Variants in KCTD8 observed in about 807,000 individuals in gnomAD.
KCTD8 encodes the protein potassium channel tetramerization domain containing 8, also known as BTB/POZ domain-containing protein KCTD8.
In KCTD8, 27 loss-of-function variants were observed where a neutral mutation model predicts 31.5. The observed-to-expected ratio is 0.86, with a 90% CI of 0.63 to 1.18. KCTD8 has a LOEUF of 1.18. Ranked by LOEUF, KCTD8 falls within the 50% of genes most tolerant of loss-of-function variation. The probability of loss-of-function intolerance (pLI) is 0.00; values close to 1 mark genes in which losing one functional copy is unlikely to be tolerated. For synonymous variants in KCTD8, 290 were observed against 280.0 expected (o/e 1.04, Z -0.36); for missense variants, 658 against 647.7 (o/e 1.02, Z -0.17).
At chr4:44,377,013 C>T (rs746529404) in intron 1 of KCTD8, among the ~76,000 whole-genome samples, 1 of 152,148 alleles carries the variant, frequency 6.6e-6, no homozygotes. Context: ...TCAGTAAAAA[C>T]ATAAATGAGG....
chr4:44,436,700 G>C (rs748257287), intron 1 of KCTD8, among the ~76,000 whole-genome samples: 103 of 152,046 alleles, frequency 6.8e-4, no homozygotes, highest in Non-Finnish European at 1.2e-3. Flanking sequence ...GTGATGCTTT[G>C]GTTATTGTTG....
intron 1 of KCTD8, among the ~76,000 whole-genome samples, chr4:44,289,201 T>C (rs1206659899): frequency 6.6e-6 from 1 of 151,336 alleles, no homozygotes; most frequent in Non-Finnish European, 1.5e-5. Flanking sequence ...ATGTTAATAT[T>C]ATGTATTATA....
At chr4:44,432,434 C>T (rs755140282) in intron 1 of KCTD8, among the ~76,000 whole-genome samples, 9 of 151,506 alleles carry the variant, frequency 5.9e-5, no homozygotes, top group Non-Finnish European at 1.0e-4. Context: ...TAGACGTGTT[C>T]TAAAACAATA....
At chr4:44,176,168 T>G (rs545307203) in intron 1 of KCTD8, among the ~76,000 whole-genome samples, 56 of 152,338 alleles carry the variant, frequency 3.7e-4, no homozygotes, top group African/African-American at 1.3e-3. Context: ...ATTACTCAAC[T>G]CTTATTTTAT....
chr4:44,298,889 A>C (rs1717523602), intron 1 of KCTD8, among the ~76,000 whole-genome samples: 1 of 152,356 alleles, frequency 6.6e-6, no homozygotes, highest in South Asian at 2.1e-4. Flanking sequence ...ACCTTTTGAA[A>C]AAAGCTATTC....
At chr4:44,209,728 A>G (rs1714425471) in intron 1 of KCTD8, among the ~76,000 whole-genome samples, 1 of 152,174 alleles carries the variant, frequency 6.6e-6, no homozygotes, top group Non-Finnish European at 1.5e-5. Context: ...GTGTGTTAAC[A>G]TTGGATGTGA....
At chr4:44,388,060 A>G (rs1390530245) in intron 1 of KCTD8, among the ~76,000 whole-genome samples, 1 of 151,936 alleles carries the variant, frequency 6.6e-6, no homozygotes, top group African/African-American at 2.4e-5. Context: ...GGACATGAAC[A>G]GACACTGCAA....
intron 1 of KCTD8, among the ~76,000 whole-genome samples, chr4:44,345,933 A>G (rs1029978407): frequency 2.0e-5 from 3 of 147,790 alleles, no homozygotes; most frequent in African/African-American, 7.4e-5. Context: ...TCTGGGAAAC[A>G]AAAAAAAACC....
chr4:44,421,844 T>A (rs984920459), intron 1 of KCTD8, among the ~76,000 whole-genome samples: 1 of 152,050 alleles, frequency 6.6e-6, no homozygotes, highest in Non-Finnish European at 1.5e-5. Flanking sequence ...CCAGAATTTT[T>A]ATGGAAAAAA....
At position 44,180,889 on chromosome 4, in the gene KCTD8, G is replaced by A. The variant is rs949697938; in HGVS notation, c.962-5639C>T. ...TCTGATCAAATATTAAGCATTAAAA[G>A]GTTACCATGAATAGAAATTACCACA... On this transcript the variant is annotated intron_variant, in intron 1 of 1. Coordinates refer to ENST00000360029, the MANE Select transcript of KCTD8 (RefSeq NM_198353.3). Among the ~76,000 whole-genome samples the A allele has an allele frequency of 4.6e-5, 7 of 151,990 alleles. No individual in the cohort carries two copies. In the East Asian group the frequency reaches 1.3e-3, roughly 29 times the overall value.
intron 1 of KCTD8, among the ~76,000 whole-genome samples, chr4:44,264,478 T>C (rs1381145123): frequency 6.6e-6 from 1 of 152,206 alleles, no homozygotes; most frequent in Non-Finnish European, 1.5e-5. Flanking sequence ...AGGAGATTTC[T>C]TCATTTCCAT....
intron 1 of KCTD8, among the ~76,000 whole-genome samples, chr4:44,226,579 T>C (rs1023167351): frequency 7.9e-5 from 12 of 152,204 alleles, no homozygotes; most frequent in Admixed American, 3.9e-4. Context: ...CTGGGTCAAA[T>C]GGTATTTCTG....
At chr4:44,181,375 GCCT>G (rs1713387387) in intron 1 of KCTD8, among the ~76,000 whole-genome samples, 1 of 152,164 alleles carries the variant, frequency 6.6e-6, no homozygotes, top group Non-Finnish European at 1.5e-5. Flanking sequence ...CCTGCCGAGT[GCCT>G]GCGATTGCAG....
intron 1 of KCTD8, among the ~76,000 whole-genome samples, chr4:44,441,016 T>G (rs959313433): frequency 2.6e-5 from 4 of 152,206 alleles, no homozygotes; most frequent in Admixed American, 2.6e-4. Context: ...TAAATTTGTA[T>G]GACAATCAGA....
intron 1 of KCTD8, among the ~76,000 whole-genome samples, chr4:44,279,526 C>T (rs1577590578): frequency 6.6e-6 from 1 of 152,030 alleles, no homozygotes; most frequent in Non-Finnish European, 1.5e-5. Context: ...ACTGGGTCCA[C>T]CAGGATAATC....
rs114108594 is a variant in KCTD8, at chr4:44,219,530, G to C, written c.962-44280C>G. 3.3e-5 allele frequency among the ~76,000 whole-genome samples: 5 copies of C among 152,164 alleles called. No individual in the cohort carries two copies. In the South Asian group the frequency reaches 8.3e-4, roughly 25 times the overall value. On this transcript the variant is annotated intron_variant, in intron 1 of 1. Transcript: ENST00000360029. ...AATGCCATGTGAAGATAGAAGCAGA[G>C]ACTGGAGTTATACACCTGAAAGTCA...
chr4:44,318,591 A>ATGTC (rs1188684282), intron 1 of KCTD8, among the ~76,000 whole-genome samples: 1 of 152,190 alleles, frequency 6.6e-6, no homozygotes, highest in Admixed American at 6.5e-5. Flanking sequence ...AGAAACAAGG[A>ATGTC]TGTCATTGGA....
chr4:44,192,475 TACAC>T (rs34405384), intron 1 of KCTD8, among the ~76,000 whole-genome samples: 7,215 of 137,074 alleles, frequency 0.053, 210 homozygotes, highest in East Asian at 0.11. Flanking sequence ...TAAGCAAAGA[TACAC>T]ACACACACAC....
chr4:44,398,164 C>T (rs1199877802), intron 1 of KCTD8, among the ~76,000 whole-genome samples: 7 of 152,136 alleles, frequency 4.6e-5, no homozygotes, highest in Non-Finnish European at 8.8e-5. Flanking sequence ...ATTTATATAG[C>T]TCAAGGCCTT....
Sources: allele counts gnomAD v4.1 joint callset (sites outside exome capture counted in the v4.1 genomes callset), GRCh38; gene constraint gnomAD v4.1.1; transcripts MANE v1.5; gene names NCBI Gene and HGNC (gene_info 2026-07-23, HGNC 2026-07-21).